The following ADGRL3 variants were observed in gnomAD, a reference collection of about 807,000 sequenced individuals.
ADGRL3 encodes the protein adhesion G protein-coupled receptor L3, also known as calcium-independent alpha-latrotoxin receptor 3.
In ADGRL3, 62 loss-of-function variants were observed where a neutral mutation model predicts 153.5. The ratio of observed to expected loss-of-function variants is 0.40; its 90% CI spans 0.33 to 0.50. The LOEUF (loss-of-function observed/expected upper bound fraction) is 0.50, where lower values mean the gene tolerates loss of function less well. Among genes scored for constraint, ADGRL3 ranks in the 20% least tolerant of loss-of-function variants. ADGRL3 has a pLI of 0.47. For synonymous variants in ADGRL3, 710 were observed against 672.5 expected, an observed-to-expected ratio of 1.06 and a Z score of -0.86; for missense variants, 1,641 against 1,859.4, an observed-to-expected ratio of 0.88 and a Z score of 2.16.
chr4:61,857,352 G>T (rs1449374976), intron 9 of ADGRL3, among the ~76,000 whole-genome samples: 2 of 152,088 alleles, frequency 1.3e-5, no homozygotes, highest in Non-Finnish European at 1.5e-5. Context: ...TTAGGCTAGA[G>T]TAAGTAAGGA....
intron 4 of ADGRL3, among the ~76,000 whole-genome samples, chr4:61,585,316 C>T (rs1433408055): frequency 6.6e-6 from 1 of 151,978 alleles, no homozygotes; most frequent in Non-Finnish European, 1.5e-5. Flanking sequence ...AAATATCATA[C>T]AAATGAGGTA....
At chr4:62,064,755 G>T (rs1444348970) in intron 25 of ADGRL3, among the ~76,000 whole-genome samples, 20 of 151,662 alleles carry the variant, frequency 1.3e-4, no homozygotes, top group Non-Finnish European at 2.1e-4. Flanking sequence ...TTGCAGAAAA[G>T]GATATATTTG....
intron 1 of ADGRL3, among the ~76,000 whole-genome samples, chr4:61,337,707 T>G (rs1004861539): frequency 6.6e-6 from 1 of 152,194 alleles, no homozygotes; most frequent in African/African-American, 2.4e-5. Flanking sequence ...TCACGTGTAT[T>G]TTCTTTTTTA....
intron 5 of ADGRL3, among the ~76,000 whole-genome samples, chr4:61,606,341 G>A (rs1427964679): frequency 1.3e-5 from 2 of 152,162 alleles, no homozygotes; most frequent in Non-Finnish European, 1.5e-5. Context: ...TCTAATGACT[G>A]TGTTAGTTTG....
chr4:61,678,688 A>T (rs2095266684), intron 6 of ADGRL3, among the ~76,000 whole-genome samples: 2 of 151,956 alleles, frequency 1.3e-5, no homozygotes, highest in Admixed American at 1.3e-4. Context: ...CTGCCTTAGA[A>T]ATATTATATC....
chr4:61,696,337 G>A (rs904286710), intron 6 of ADGRL3, among the ~76,000 whole-genome samples: 2 of 152,100 alleles, frequency 1.3e-5, no homozygotes, highest in African/African-American at 4.8e-5. Context: ...TTCCTGCCCA[G>A]GAACTGGTAA....
chr4:61,612,994 T>A (rs1043827036), intron 5 of ADGRL3, among the ~76,000 whole-genome samples: 1 of 152,170 alleles, frequency 6.6e-6, no homozygotes, highest in African/African-American at 2.4e-5. Flanking sequence ...TCTTTTTTTT[T>A]AATCATCCTA....
chr4:61,681,439 T>A (rs1310506081), intron 6 of ADGRL3, among the ~76,000 whole-genome samples: 1 of 152,084 alleles, frequency 6.6e-6, no homozygotes, highest in East Asian at 1.9e-4. Flanking sequence ...AGCAATCTTC[T>A]CTCATGGTGA....
At chr4:61,457,859 TA>T (rs2097771067) in intron 2 of ADGRL3, among the ~76,000 whole-genome samples, 7 of 145,998 alleles carry the variant, frequency 4.8e-5, no homozygotes, top group African/African-American at 1.6e-4. Flanking sequence ...GACAGATAGA[TA>T]GATAGATAGA....
At chr4:61,233,583 A>G (rs1751646605) in intron 1 of ADGRL3, among the ~76,000 whole-genome samples, 1 of 152,192 alleles carries the variant, frequency 6.6e-6, no homozygotes, top group Admixed American at 6.6e-5. Flanking sequence ...GGATGTCAAT[A>G]TATACAGGGT....
intron 1 of ADGRL3, among the ~76,000 whole-genome samples, chr4:61,371,934 T>G (rs2096535769): frequency 6.6e-6 from 1 of 152,170 alleles, no homozygotes; most frequent in African/African-American, 2.4e-5. Context: ...TCTTTTCTTT[T>G]TATTCTTTTT....
intron 8 of ADGRL3, among the ~76,000 whole-genome samples, chr4:61,796,871 G>T (rs1196661923): frequency 2.6e-5 from 4 of 152,122 alleles, no homozygotes; most frequent in Non-Finnish European, 1.5e-5. Context: ...AAAATACAAA[G>T]AAGTATTTCA....
chr4:61,750,286 G>T (rs1247970317), intron 8 of ADGRL3, among the ~76,000 whole-genome samples: 1 of 150,886 alleles, frequency 6.6e-6, no homozygotes, highest in Non-Finnish European at 1.5e-5. Context: ...CAATAATCAT[G>T]CAAAGGCAGC....
chr4:61,660,526 A>C (rs957264100), intron 5 of ADGRL3, among the ~76,000 whole-genome samples: 1 of 152,130 alleles, frequency 6.6e-6, no homozygotes, highest in Non-Finnish European at 1.5e-5. Flanking sequence ...CTTAAAGCCA[A>C]AAATATTGTT....
chr4:61,481,834 A>G (rs901347055), intron 2 of ADGRL3, among the ~76,000 whole-genome samples: 2 of 152,106 alleles, frequency 1.3e-5, no homozygotes, highest in South Asian at 4.1e-4. Context: ...TCTCTTTAAC[A>G]TTTTTAGAAA....
chr4:62,045,005 A>G (rs1229923468), intron 25 of ADGRL3, among the ~76,000 whole-genome samples: 1 of 152,086 alleles, frequency 6.6e-6, no homozygotes, highest in Non-Finnish European at 1.5e-5. Flanking sequence ...CTTAATATCT[A>G]AAAGACTTAT....
chr4:61,537,498 A>G (rs934259622), intron 4 of ADGRL3, among the ~76,000 whole-genome samples: 4 of 152,104 alleles, frequency 2.6e-5, no homozygotes, highest in Non-Finnish European at 5.9e-5. Context: ...TCTTCTTCTC[A>G]GCAATACCTA....
intron 2 of ADGRL3, among the ~76,000 whole-genome samples, chr4:61,409,229 ATATATATTAGACATACATAATATATAT>A (rs1040478237): frequency 3.7e-5 from 5 of 136,600 alleles, no homozygotes; most frequent in African/African-American, 5.4e-5. Context: ...AATATATATT[ATATATATTAGACATACATAATATATAT>A]TATATATTAG....
intron 9 of ADGRL3, among the ~76,000 whole-genome samples, chr4:61,854,527 A>G (rs893637227): frequency 6.6e-6 from 1 of 152,218 alleles, no homozygotes; most frequent in African/African-American, 2.4e-5. Context: ...ATATAAAAAT[A>G]AAGTCATGAG....
Sources: gnomAD v4.1 joint callset for allele counts (sites outside exome capture counted in the v4.1 genomes callset) on GRCh38, gnomAD v4.1.1 for gene constraint, MANE v1.5 for transcripts, NCBI Gene and HGNC (gene_info 2026-07-23, HGNC 2026-07-21) for gene names.